The following LDB2 variants were observed in gnomAD, a reference collection of about 807,000 sequenced individuals.
LDB2 encodes the protein LIM domain-binding protein 2.
Under a neutral mutation model 44.3 loss-of-function variants are expected in LDB2, and 12 were observed. The ratio of observed to expected loss-of-function variants is 0.27; its 90% confidence interval spans 0.17 to 0.44. The LOEUF (loss-of-function observed/expected upper bound fraction) is 0.44. LDB2 is among the 20% of genes least tolerant of loss of function. The pLI, the probability that LDB2 is intolerant of heterozygous loss-of-function variation, is 1.00. For synonymous variants in LDB2, 164 were observed against 174.8 expected (o/e 0.94, Z 0.49); for missense variants, 344 against 473.5 (o/e 0.73, Z 2.54).
rs1744176080 is a variant in LDB2, at chr4:16,565,518, C to T, written c.615+20404G>A. On this transcript the variant is annotated intron_variant, in intron 5 of 7. Transcript: ENST00000304523. ...CATGAGAAATATGTCTATCTCAAAT[C>T]TCAGATAATCACCTTGCTTAATGAA... Among the ~76,000 whole-genome samples, 4 of 151,874 alleles carry T rather than the reference C, an allele frequency of 2.6e-5. No individual in the cohort carries two copies. In the South Asian group the frequency reaches 8.3e-4, roughly 32 times the overall value.
intron 2 of LDB2, among the ~76,000 whole-genome samples, chr4:16,639,982 T>C (rs570456705): frequency 6.6e-6 from 1 of 152,322 alleles, no homozygotes; most frequent in South Asian, 2.1e-4. Context: ...CTTTACAATA[T>C]TCTCACACCA....
intron 2 of LDB2, among the ~76,000 whole-genome samples, chr4:16,662,140 G>A (rs554191178): frequency 8.3e-4 from 127 of 152,178 alleles, no homozygotes; most frequent in Non-Finnish European, 1.5e-3. Context: ...TTTAAATTTT[G>A]CCTTTGAATA....
intron 1 of LDB2, among the ~76,000 whole-genome samples, chr4:16,887,166 T>A (rs895848794): frequency 6.6e-6 from 1 of 151,490 alleles, no homozygotes; most frequent in Non-Finnish European, 1.5e-5. Flanking sequence ...GTAAGTGTGT[T>A]TGGATTTAGC....
chr4:16,625,408 C>G (rs2152486638), intron 2 of LDB2, among the ~76,000 whole-genome samples: 1 of 152,314 alleles, frequency 6.6e-6, no homozygotes, highest in South Asian at 2.1e-4. Flanking sequence ...ACTTCTCCCA[C>G]TGGATTGAAC....
At chr4:16,649,421 A>C (rs1737662233) in intron 2 of LDB2, among the ~76,000 whole-genome samples, 1 of 151,498 alleles carries the variant, frequency 6.6e-6, no homozygotes, top group Non-Finnish European at 1.5e-5. Context: ...GATGAGAGAG[A>C]GAGAGAGAAC....
intron 1 of LDB2, among the ~76,000 whole-genome samples, chr4:16,840,333 A>G (rs1375204878): frequency 3.5e-4 from 54 of 152,194 alleles, no homozygotes; most frequent in Admixed American, 3.4e-3. Context: ...TACTATCACA[A>G]CTATGTAAAA....
At position 16,898,343 on chromosome 4, in the gene LDB2, G is replaced by A. The variant is rs767913558; in HGVS notation, c.132+11C>T. On this transcript the variant is annotated intron_variant, in intron 1 of 7. Coordinates refer to ENST00000304523, the MANE Select transcript of LDB2 (RefSeq NM_001290.5). ...AATACACAAACACATCCCCAAGGTT[G>A]AAGTACTTACCTCTGTGCGAGACTG... is the stretch of plus-strand genomic sequence containing the variant. 1.9e-6 allele frequency: 3 copies of A among 1,609,946 alleles called. No individual in the cohort carries two copies. Among genetic ancestry groups the A allele is most frequent in the Non-Finnish European group, 2.5e-6 (3 of 1,177,312 alleles).
chr4:16,536,317 A>C (rs1024125143), intron 5 of LDB2, among the ~76,000 whole-genome samples: 2 of 152,122 alleles, frequency 1.3e-5, no homozygotes, highest in African/African-American at 4.8e-5. Context: ...GAGGTTCTCA[A>C]ATCACTCCTG....
At chr4:16,811,781 T>C (rs557812530) in intron 1 of LDB2, among the ~76,000 whole-genome samples, 213 of 152,344 alleles carry the variant, frequency 1.4e-3, no homozygotes, top group African/African-American at 5.0e-3. Context: ...TAGTAAATGC[T>C]GGTAAAAAGA....
chr4:16,660,444 A>G (rs1182187518), intron 2 of LDB2, among the ~76,000 whole-genome samples: 1 of 152,196 alleles, frequency 6.6e-6, no homozygotes, highest in Non-Finnish European at 1.5e-5. Flanking sequence ...AAATCAGTTA[A>G]TGACTAACAA....
chr4:16,683,872 C>A (rs1381827188), intron 2 of LDB2, among the ~76,000 whole-genome samples: 1 of 152,212 alleles, frequency 6.6e-6, no homozygotes, highest in African/African-American at 2.4e-5. Context: ...GCCCCATCAC[C>A]TGCAGAGCCT....
intron 2 of LDB2, among the ~76,000 whole-genome samples, chr4:16,673,480 T>C (rs1235551053): frequency 6.6e-6 from 1 of 152,182 alleles, no homozygotes; most frequent in Non-Finnish European, 1.5e-5. Flanking sequence ...AAGGCTTAGG[T>C]CTTCTCACAG....
At chr4:16,879,906 C>T (rs777130730) in intron 1 of LDB2, among the ~76,000 whole-genome samples, 13 of 152,136 alleles carry the variant, frequency 8.5e-5, no homozygotes, top group Non-Finnish European at 1.6e-4. Flanking sequence ...TACCCAAGCA[C>T]GGAACACAGA....
chr4:16,537,115 T>A (rs1347501062), intron 5 of LDB2, among the ~76,000 whole-genome samples: 1 of 152,222 alleles, frequency 6.6e-6, no homozygotes, highest in African/African-American at 2.4e-5. Context: ...GGACTTCCTT[T>A]CTTTTTAGAG....
At chr4:16,686,695 T>C (rs542603207) in intron 2 of LDB2, among the ~76,000 whole-genome samples, 1 of 152,290 alleles carries the variant, frequency 6.6e-6, no homozygotes, top group East Asian at 1.9e-4. Context: ...TTACAGAGCC[T>C]AGGATACTGC....
chr4:16,777,581 G>A (rs1772216697), intron 1 of LDB2, among the ~76,000 whole-genome samples: 1 of 152,148 alleles, frequency 6.6e-6, no homozygotes, highest in Non-Finnish European at 1.5e-5. Flanking sequence ...GGATATCATA[G>A]AAAGGCTTTA....
At chr4:16,755,058 C>T (rs984699070) in intron 2 of LDB2, among the ~76,000 whole-genome samples, 2 of 152,134 alleles carry the variant, frequency 1.3e-5, no homozygotes, top group East Asian at 1.9e-4. Context: ...ATGTGAACCA[C>T]GTATTTCCTA....
At chr4:16,600,715 C>A (rs1401647938) in intron 2 of LDB2, among the ~76,000 whole-genome samples, 2 of 152,076 alleles carry the variant, frequency 1.3e-5, no homozygotes, top group African/African-American at 4.8e-5. Flanking sequence ...CATCCCTACT[C>A]CCCAGAAATT....
At chr4:16,860,497 A>C (rs1561465738) in intron 1 of LDB2, among the ~76,000 whole-genome samples, 1 of 152,180 alleles carries the variant, frequency 6.6e-6, no homozygotes, top group Non-Finnish European at 1.5e-5. Flanking sequence ...AAATGACACC[A>C]GCCATCTGCC....
Sources: allele counts gnomAD v4.1 joint callset (sites outside exome capture counted in the v4.1 genomes callset), GRCh38; gene constraint gnomAD v4.1.1; transcripts MANE v1.5; gene names NCBI Gene and HGNC (gene_info 2026-07-23, HGNC 2026-07-21).